The following GRM8 variants were observed in gnomAD, a reference collection of about 807,000 sequenced individuals.
The protein encoded by GRM8 is metabotropic glutamate receptor 8.
Under a neutral mutation model 87.2 loss-of-function variants are expected in GRM8, and 47 were observed. The observed-to-expected ratio is 0.54, with a 90% CI of 0.43 to 0.69. The LOEUF (loss-of-function observed/expected upper bound fraction) is 0.69, where lower values mean the gene tolerates loss of function less well. GRM8 is among the 30% of genes least tolerant of loss of function. The pLI, the probability that GRM8 is intolerant of heterozygous loss-of-function variation, is 0.00. For missense variants in GRM8, 1,019 were observed against 1,139.2 expected (o/e 0.89, Z 1.52); for synonymous variants, 396 against 404.5 (o/e 0.98, Z 0.25).
intron 6 of GRM8, among the ~76,000 whole-genome samples, chr7:126,787,782 TC>T (rs1370312259): frequency 4.6e-5 from 7 of 152,168 alleles, no homozygotes; most frequent in Admixed American, 3.9e-4. Context: ...TTCTGGATAT[TC>T]AATATCATCT....
chr7:126,733,358 C>T (rs1202062283), intron 7 of GRM8, among the ~76,000 whole-genome samples: 4 of 149,860 alleles, frequency 2.7e-5, no homozygotes, highest in African/African-American at 9.8e-5. Flanking sequence ...ATATAATATA[C>T]ATTAAATTGA....
At chr7:127,045,405 G>T (rs945493907) in intron 3 of GRM8, among the ~76,000 whole-genome samples, 10 of 150,234 alleles carry the variant, frequency 6.7e-5, no homozygotes, top group African/African-American at 2.2e-4. Flanking sequence ...CTTTGTTTTC[G>T]GTCTTCAGTC....
At chr7:127,005,497 C>T (rs1814193977) in intron 3 of GRM8, among the ~76,000 whole-genome samples, 1 of 151,702 alleles carries the variant, frequency 6.6e-6, no homozygotes, top group Admixed American at 6.6e-5. Context: ...TTCAATCCCC[C>T]TAAGGCCAGG....
chr7:126,810,811 C>T (rs185674734), intron 6 of GRM8, among the ~76,000 whole-genome samples: 14 of 152,170 alleles, frequency 9.2e-5, no homozygotes, highest in Admixed American at 2.0e-4. Flanking sequence ...GATTTGTTGG[C>T]GGATGTCTCA....
intron 2 of GRM8, among the ~76,000 whole-genome samples, chr7:127,130,667 C>T (rs1459064206): frequency 6.6e-6 from 1 of 152,020 alleles, no homozygotes; most frequent in African/African-American, 2.4e-5. Context: ...TTGGGAGGAG[C>T]CAGGGGTGGA....
At chr7:126,529,551 T>C (rs1035340955) in intron 9 of GRM8, among the ~76,000 whole-genome samples, 14 of 152,090 alleles carry the variant, frequency 9.2e-5, no homozygotes, top group Admixed American at 9.2e-4. Context: ...TTATTGGAGG[T>C]TTTTTCTTTT....
At chr7:127,247,651 T>A (rs1798646833) in intron 1 of GRM8, among the ~76,000 whole-genome samples, 1 of 152,116 alleles carries the variant, frequency 6.6e-6, no homozygotes, top group African/African-American at 2.4e-5. Flanking sequence ...TGGAATCGGA[T>A]CTTTGTCTGA....
At chr7:126,730,305 G>T (rs1328944842) in intron 7 of GRM8, among the ~76,000 whole-genome samples, 1 of 152,146 alleles carries the variant, frequency 6.6e-6, no homozygotes, top group Non-Finnish European at 1.5e-5. Context: ...AAGAAAAGAT[G>T]TGTATTTGTA....
chr7:126,581,328 C>T lies in GRM8; in HGVS notation c.1494+28034G>A, dbSNP rs1242839937. Among the ~76,000 whole-genome samples the T allele has an allele frequency of 2.6e-5, 4 of 152,134 alleles. No homozygotes were observed. The East Asian group carries it at 7.7e-4, about 29-fold the overall frequency. On this transcript the variant is annotated intron_variant, in intron 8 of 10. Transcript: ENST00000339582. The stretch of plus-strand genomic sequence containing the variant: ...AAGGCCAATTACTTCTTAACAATCT[C>T]TTAAAGGATATGAAAAAGTTCTATT...
intron 7 of GRM8, among the ~76,000 whole-genome samples, chr7:126,740,775 T>G (rs2151509123): frequency 6.6e-6 from 1 of 152,290 alleles, no homozygotes; most frequent in South Asian, 2.1e-4. Context: ...GTCTTAAAGA[T>G]TCACGTTATT....
chr7:127,066,225 A>C (rs1162129606), intron 3 of GRM8, among the ~76,000 whole-genome samples: 2 of 152,220 alleles, frequency 1.3e-5, no homozygotes, highest in Admixed American at 6.5e-5. Flanking sequence ...ACACATAATC[A>C]TGAATAATTT....
intron 6 of GRM8, among the ~76,000 whole-genome samples, chr7:126,896,965 T>C (rs1289633649): frequency 2.6e-5 from 4 of 152,150 alleles, no homozygotes; most frequent in African/African-American, 9.7e-5. Flanking sequence ...TGTCTCTCTA[T>C]CTGAAGCACA....
chr7:127,118,657 G>T (rs1426246259), intron 2 of GRM8, among the ~76,000 whole-genome samples: 4 of 152,178 alleles, frequency 2.6e-5, no homozygotes, highest in Non-Finnish European at 2.9e-5. Flanking sequence ...GAAGTAACTT[G>T]CCCAAGACCA....
rs1011106436 is a variant in GRM8, at chr7:126,933,287, T to C, written c.728-28604A>G. On this transcript the variant is annotated intron_variant, in intron 3 of 10. Transcript: ENST00000339582. The stretch of plus-strand genomic sequence containing the variant: ...GCAAGGGGAGGGCTCCTTTAGGTTG[T>C]ACAGTCAGGTGCGAAGAGCAATGCA... Among the ~76,000 whole-genome samples, 7 of 152,210 alleles carry C rather than the reference T, an allele frequency of 4.6e-5. No homozygotes were observed. The South Asian group carries it at 6.2e-4, about 13-fold the overall frequency.
chr7:126,658,273 A>G (rs1159392202), intron 7 of GRM8, among the ~76,000 whole-genome samples: 1 of 152,222 alleles, frequency 6.6e-6, no homozygotes, highest in Non-Finnish European at 1.5e-5. Context: ...AACAGAAGCT[A>G]AATGTTGGTG....
chr7:127,199,360 C>T (rs1205838369), intron 2 of GRM8, among the ~76,000 whole-genome samples: 1 of 152,206 alleles, frequency 6.6e-6, no homozygotes, highest in Admixed American at 6.5e-5. Context: ...ATAATGAGAA[C>T]ATATGTCACA....
chr7:126,528,937 C>G (rs1240642202), intron 9 of GRM8, among the ~76,000 whole-genome samples: 1 of 152,198 alleles, frequency 6.6e-6, no homozygotes, highest in Admixed American at 6.5e-5. Flanking sequence ...TACCCCTACA[C>G]TCTTCTGCCC....
At chr7:126,656,749 A>C (rs1804576630) in intron 7 of GRM8, among the ~76,000 whole-genome samples, 1 of 151,564 alleles carries the variant, frequency 6.6e-6, no homozygotes. Flanking sequence ...ACAGTTGGAC[A>C]GAGAGGGGTT....
intron 6 of GRM8, among the ~76,000 whole-genome samples, chr7:126,808,126 AAATTGGAGACTC>A (rs1792953625): frequency 6.6e-6 from 1 of 152,216 alleles, no homozygotes; most frequent in South Asian, 2.1e-4. Flanking sequence ...ATTACATGTG[AAATTGGAGACTC>A]AATTTAGAAA....
Sources: gnomAD v4.1 joint callset for allele counts (sites outside exome capture counted in the v4.1 genomes callset) on GRCh38, gnomAD v4.1.1 for gene constraint, MANE v1.5 for transcripts, NCBI Gene and HGNC (gene_info 2026-07-23, HGNC 2026-07-21) for gene names.